SLCO3A1: variants seen among roughly 807,000 people sequenced by gnomAD.
SLCO3A1 encodes PGE1 transporter.
A neutral mutation model predicts 63.1 loss-of-function variants in SLCO3A1; 27 were observed. The observed-to-expected ratio is 0.43, with a 90% CI of 0.32 to 0.59. The LOEUF (loss-of-function observed/expected upper bound fraction) is 0.59. Ranked by LOEUF, SLCO3A1 falls within the 20% of genes least tolerant of loss-of-function variation. The pLI is 0.09. For synonymous variants in SLCO3A1, 473 were observed against 409.9 expected, an observed-to-expected ratio of 1.15 and a Z score of -1.86; for missense variants, 773 against 945.8, an observed-to-expected ratio of 0.82 and a Z score of 2.40.
At chr15:92,060,218 C>T (rs1423869968) in intron 2 of SLCO3A1, among the ~76,000 whole-genome samples, 1 of 151,850 alleles carries the variant, frequency 6.6e-6, no homozygotes, top group Non-Finnish European at 1.5e-5. Flanking sequence ...ACTCCTGTAC[C>T]ATAGGCTACA....
At chr15:92,002,140 G>A (rs1230937309) in intron 2 of SLCO3A1, among the ~76,000 whole-genome samples, 1 of 152,170 alleles carries the variant, frequency 6.6e-6, no homozygotes, top group African/African-American at 2.4e-5. Flanking sequence ...GAGGATGTGA[G>A]ATTTTTAACC....
chr15:91,894,062 C>T lies in SLCO3A1; in HGVS notation c.181-21931C>T, dbSNP rs1897942331. Among the ~76,000 whole-genome samples, 2 of 152,132 alleles carry T rather than the reference C, an allele frequency of 1.3e-5. No individual in the cohort carries two copies. The highest frequency in any genetic ancestry group is 4.8e-5 in the African/African-American group (2 of 41,420). ...AGGGGACGTTTGAGCTAAGACCTGC[C>T]TGGGGAGAAATCAGCCTTGTCATGA... On this transcript the variant is annotated intron_variant, in intron 1 of 9. Transcript: ENST00000318445. This position sits in a 1 kb window ranked among gnomAD's most constrained non-coding sequence, Gnocchi z 4.8.
Position 91,926,596 on chromosome 15 carries a change from T to TGTGCGCGCGC in SLCO3A1, c.646+10139_646+10140insTGCGCGCGCG. ...GTGTGTGTGTGTGTGTGTGTGTGTG[T>TGTGCGCGCGC]GCGCGCGCGCACGCCCATGCTTATT... On this transcript the variant is annotated intron_variant, in intron 2 of 9. Transcript: ENST00000318445. Among the ~76,000 whole-genome samples the TGTGCGCGCGC allele has an allele frequency of 3.0e-4, 32 of 105,316 alleles. 1 individual carries two copies. The highest frequency in any genetic ancestry group is 1.2e-3 in the African/African-American group (32 of 27,396). 69.1% of individuals were successfully genotyped at this position (105,316 alleles called of 152,430 possible).
At chr15:91,927,372 A>C (rs1899066720) in intron 2 of SLCO3A1, among the ~76,000 whole-genome samples, 1 of 152,152 alleles carries the variant, frequency 6.6e-6, no homozygotes, top group South Asian at 2.1e-4. Flanking sequence ...GAACTCTCAA[A>C]GTCAAAATTT....
chr15:92,122,093 G>A (rs2047869747), intron 5 of SLCO3A1, among the ~76,000 whole-genome samples: 1 of 152,206 alleles, frequency 6.6e-6, no homozygotes, highest in Non-Finnish European at 1.5e-5. Context: ...GCTGGGACAG[G>A]AAAGACTTGA....
At chr15:91,932,945 C>T (rs1372536435) in intron 2 of SLCO3A1, among the ~76,000 whole-genome samples, 1 of 152,064 alleles carries the variant, frequency 6.6e-6, no homozygotes, top group African/African-American at 2.4e-5. Context: ...TGGCCATGGC[C>T]TTGGGGGTGG....
At chr15:91,956,290 TGAG>T (rs2151416625) in intron 2 of SLCO3A1, among the ~76,000 whole-genome samples, 1 of 152,210 alleles carries the variant, frequency 6.6e-6, no homozygotes, top group South Asian at 2.1e-4. Context: ...AGCAAATGAC[TGAG>T]GAGGATTTGA....
chr15:92,037,711 TAGCCCAAGAC>T (rs1270729815), intron 2 of SLCO3A1, among the ~76,000 whole-genome samples: 1 of 152,254 alleles, frequency 6.6e-6, no homozygotes, highest in Non-Finnish European at 1.5e-5. Flanking sequence ...CTGGAAGACA[TAGCCCAAGAC>T]TTGATGTTAT....
chr15:92,015,407 A>G (rs7168960), intron 2 of SLCO3A1, among the ~76,000 whole-genome samples: 6,165 of 152,144 alleles, frequency 0.041, 435 homozygotes, highest in African/African-American at 0.14. Context: ...CAGCAGAAAG[A>G]GAGAAAAGCC....
At chr15:92,029,379 A>G (rs1597237393) in intron 2 of SLCO3A1, among the ~76,000 whole-genome samples, 1 of 152,240 alleles carries the variant, frequency 6.6e-6, no homozygotes, top group East Asian at 1.9e-4. Flanking sequence ...TGCTCTGGGG[A>G]TTAAAGATGT....
intron 7 of SLCO3A1, among the ~76,000 whole-genome samples, chr15:92,136,813 T>G (rs2151576678): frequency 6.6e-6 from 1 of 152,318 alleles, no homozygotes; most frequent in South Asian, 2.1e-4. Flanking sequence ...GATTTTTTAC[T>G]GCACATAAAA....
intron 2 of SLCO3A1, among the ~76,000 whole-genome samples, chr15:92,076,954 GAT>G (rs1405715703): frequency 1.3e-5 from 2 of 152,200 alleles, no homozygotes; most frequent in Non-Finnish European, 2.9e-5. Context: ...AAAGAAAAGA[GAT>G]TTAATTCACT....
At chr15:91,920,535 CCT>C (rs1898809034) in intron 2 of SLCO3A1, among the ~76,000 whole-genome samples, 1 of 152,080 alleles carries the variant, frequency 6.6e-6, no homozygotes, top group African/African-American at 2.4e-5. Flanking sequence ...AGGTTGCACC[CCT>C]GTTTCATAGT....
intron 4 of SLCO3A1, among the ~76,000 whole-genome samples, chr15:92,117,898 G>T (rs1567129393): frequency 6.6e-6 from 1 of 152,162 alleles, no homozygotes; most frequent in African/African-American, 2.4e-5. Context: ...TCACAGTCAG[G>T]ATTACTCTAA....
At chr15:92,018,139 GATGTGAGGCC>G (rs1407880718) in intron 2 of SLCO3A1, among the ~76,000 whole-genome samples, 6 of 152,360 alleles carry the variant, frequency 3.9e-5, no homozygotes, top group African/African-American at 1.4e-4. Context: ...GAAGAAGACA[GATGTGAGGCC>G]AGGCCTTGGG....
At chr15:91,972,766 C>G (rs1057490148) in intron 2 of SLCO3A1, among the ~76,000 whole-genome samples, 1 of 152,184 alleles carries the variant, frequency 6.6e-6, no homozygotes, top group African/African-American at 2.4e-5. Flanking sequence ...GTTCCTGGTG[C>G]TGCCTCGGTC....
At chr15:92,125,681 G>T (rs1329795172) in intron 5 of SLCO3A1, among the ~76,000 whole-genome samples, 1 of 151,876 alleles carries the variant, frequency 6.6e-6, no homozygotes, top group East Asian at 2.0e-4. Context: ...TCTCAAAAAT[G>T]CTCACAGAGC....
chr15:92,149,119 AGCCTCTAGAC>A (rs1245711052), intron 8 of SLCO3A1: 6 of 152,490 alleles, frequency 3.9e-5, no homozygotes, highest in Admixed American at 3.9e-4. Flanking sequence ...GCAAAAACCC[AGCCTCTAGAC>A]GCTGACTAGT....
intron 9 of SLCO3A1, among the ~76,000 whole-genome samples, chr15:92,155,006 C>T (rs751096902): frequency 6.6e-6 from 1 of 152,096 alleles, no homozygotes; most frequent in South Asian, 2.1e-4. Context: ...CAGAGAGGGA[C>T]AGGGGTCAAG....
Sources: gnomAD v4.1 joint callset for allele counts (sites outside exome capture counted in the v4.1 genomes callset) on GRCh38, gnomAD v4.1.1 for gene constraint, Gnocchi (gnomAD v3.1) non-coding constraint, MANE v1.5 for transcripts, NCBI Gene and HGNC (gene_info 2026-07-23, HGNC 2026-07-21) for gene names.